SEMA3C: variants seen among roughly 807,000 people sequenced by gnomAD.
SEMA3C encodes the protein semaphorin-3C.
In SEMA3C, 47 loss-of-function variants were observed where a neutral mutation model predicts 89.4. That is an observed-to-expected ratio of 0.53 (90% CI 0.42 to 0.67). SEMA3C has a LOEUF of 0.67. Ranked by LOEUF, SEMA3C falls within the 30% of genes least tolerant of loss-of-function variation. The pLI is 0.00. For synonymous variants in SEMA3C, 310 were observed against 320.2 expected (o/e 0.97, Z 0.34); for missense variants, 839 against 929.1 (o/e 0.90, Z 1.26).
intron 11 of SEMA3C, among the ~76,000 whole-genome samples, chr7:80,795,486 G>A (rs1029068935): frequency 6.6e-6 from 1 of 152,110 alleles, no homozygotes; most frequent in Non-Finnish European, 1.5e-5. Context: ...CACGGAGTCT[G>A]TTGCAGATGT....
intron 5 of SEMA3C, among the ~76,000 whole-genome samples, chr7:80,816,934 C>T (rs1789621768): frequency 6.6e-6 from 1 of 152,142 alleles, no homozygotes; most frequent in African/African-American, 2.4e-5. Flanking sequence ...GAAATCTGTG[C>T]TCTGAAAATG....
intron 12 of SEMA3C, among the ~76,000 whole-genome samples, chr7:80,767,591 G>A (rs1159259881): frequency 6.6e-6 from 1 of 152,072 alleles, no homozygotes; most frequent in Non-Finnish European, 1.5e-5. Context: ...TACTTAAAAT[G>A]TTTTTATTAA....
chr7:80,825,605 G>A (rs1480509451), intron 4 of SEMA3C, among the ~76,000 whole-genome samples: 1 of 152,150 alleles, frequency 6.6e-6, no homozygotes, highest in Non-Finnish European at 1.5e-5. Flanking sequence ...AAACTCGGCA[G>A]CAATTTTTGG....
At chr7:80,888,579 A>G (rs951843623) in intron 2 of SEMA3C, among the ~76,000 whole-genome samples, 3 of 152,300 alleles carry the variant, frequency 2.0e-5, no homozygotes, top group Middle Eastern at 3.4e-3. Context: ...CATACATAAA[A>G]TATCTATCTA....
Position 80,752,867 on chromosome 7 carries a change from G to A in SEMA3C, c.1644-1531C>T, listed in dbSNP as rs577546532. Among the ~76,000 whole-genome samples, 452 of 152,184 alleles carry A rather than the reference G, an allele frequency of 3.0e-3. 2 individuals carry two copies. The highest frequency in any genetic ancestry group is 0.01 in the Middle Eastern group (3 of 294). Reference sequence around the variant, plus strand: ...AAATCGATTGCTTACTATCAACACCGAAAAGTATACTCGAGTGAGCATATC... The same window carrying A: ...AAATCGATTGCTTACTATCAACACCAAAAAGTATACTCGAGTGAGCATATC... On this transcript the variant is annotated intron_variant, in intron 15 of 17. Coordinates refer to ENST00000265361, the MANE Select transcript of SEMA3C (RefSeq NM_006379.5).
chr7:80,757,512 G>C (rs1788091612), intron 15 of SEMA3C, among the ~76,000 whole-genome samples: 1 of 152,106 alleles, frequency 6.6e-6, no homozygotes, highest in South Asian at 2.1e-4. Context: ...TGGTCATCAA[G>C]GTTTTGAAAG....
rs1420619518 is a variant in SEMA3C at position 80,818,359 on chromosome 7, G to A, written c.387C>T (p.Val129=). 6.2e-7 allele frequency: 1 copy of A among 1,613,586 alleles called. No individual in the cohort carries two copies. The change falls in exon 5 of 18, where the codon GTC becomes GTT. Residue 129 remains valine, a synonymous_variant. Coordinates refer to ENST00000265361, the MANE Select transcript of SEMA3C (RefSeq NM_006379.5). Reference sequence around the variant, plus strand: ...CAGGACTGAAAGCGCCACTCCCACAGACATACAAATGTGTGCGATTGAAAG... The same window carrying A: ...CAGGACTGAAAGCGCCACTCCCACAAACATACAAATGTGTGCGATTGAAAG... ...IQTFNRTHLY[V]CGSGAFSPVC...
intron 4 of SEMA3C, among the ~76,000 whole-genome samples, chr7:80,822,214 A>T (rs1789765323): frequency 6.6e-6 from 1 of 152,134 alleles, no homozygotes. Flanking sequence ...TGTGGTAGAT[A>T]CTGCAATAGG....
At chr7:80,751,383 A>C (rs1787931954) in intron 15 of SEMA3C, 47 bp from the exon 16 acceptor site, 10 of 1,489,858 alleles carry the variant, frequency 6.7e-6, no homozygotes, top group Non-Finnish European at 9.4e-6. Flanking sequence ...TATCACTGCC[A>C]ATTACACCAC....
At chr7:80,794,016 G>A (rs187794667) in intron 11 of SEMA3C, among the ~76,000 whole-genome samples, 11 of 152,070 alleles carry the variant, frequency 7.2e-5, no homozygotes, top group Non-Finnish European at 1.6e-4. Context: ...CCCTTTGTCT[G>A]AAGCCAAAAA....
At chr7:80,819,541 C>T (rs1017445535) in intron 4 of SEMA3C, among the ~76,000 whole-genome samples, 5 of 152,120 alleles carry the variant, frequency 3.3e-5, no homozygotes. Context: ...TAAGAATTGG[C>T]AAATAAAACT....
intron 2 of SEMA3C, among the ~76,000 whole-genome samples, chr7:80,845,918 C>G (rs570558267): frequency 1.3e-5 from 2 of 152,248 alleles, no homozygotes; most frequent in South Asian, 4.1e-4. Flanking sequence ...CATTTGAAAT[C>G]AATTCAATGA....
At chr7:80,852,448 G>A (rs1354222556) in intron 2 of SEMA3C, among the ~76,000 whole-genome samples, 1 of 152,110 alleles carries the variant, frequency 6.6e-6, no homozygotes, top group Non-Finnish European at 1.5e-5. Flanking sequence ...GATTTTTTGA[G>A]TAGTACCCCA....
intron 2 of SEMA3C, among the ~76,000 whole-genome samples, chr7:80,891,207 T>C (rs149572379): frequency 4.1e-4 from 63 of 152,278 alleles, no homozygotes; most frequent in African/African-American, 1.3e-3. Flanking sequence ...TTACTGATTG[T>C]CCATAAGTGA....
In SEMA3C at chr7:80,851,762, C is replaced by T. The variant is rs1039344223; in HGVS notation, c.104-23017G>A. 5.9e-5 allele frequency among the ~76,000 whole-genome samples: 9 copies of T among 151,476 alleles called. 1 individual carries two copies. The highest frequency in any genetic ancestry group is 2.2e-4 in the African/African-American group (9 of 41,190). On this transcript the variant is annotated intron_variant, in intron 2 of 17. Transcript: ENST00000265361. ...GATAGGCAGTCACAGCACAAAATGG[C>T]CACAAATGATGTCAAGTGATAAAGA... is the stretch of plus-strand genomic sequence containing the variant.
At chr7:80,850,866 C>T (rs572210650) in intron 2 of SEMA3C, among the ~76,000 whole-genome samples, 90 of 152,248 alleles carry the variant, frequency 5.9e-4, no homozygotes, top group African/African-American at 2.0e-3. Context: ...TTACTACAGG[C>T]GTGGTGACTT....
At chr7:80,797,913 G>A (rs977006263) in intron 11 of SEMA3C, among the ~76,000 whole-genome samples, 179 bp downstream of exon 11, 34 of 151,982 alleles carry the variant, frequency 2.2e-4, no homozygotes, top group Non-Finnish European at 4.4e-4. Flanking sequence ...CAGGAGAATC[G>A]CTTGAACCCG....
chr7:80,799,065 T>G (rs1789135199), intron 10 of SEMA3C, among the ~76,000 whole-genome samples: 1 of 152,210 alleles, frequency 6.6e-6, no homozygotes, highest in Non-Finnish European at 1.5e-5. Context: ...AAAAATCGTT[T>G]TATTGAAAAC....
intron 2 of SEMA3C, 32 bp from the exon 3 acceptor site, chr7:80,828,777 A>C (rs548963071): frequency 6.7e-7 from 1 of 1,500,072 alleles, no homozygotes; most frequent in Admixed American, 2.0e-5. Context: ...GTGTAGATAC[A>C]GTATCCTGGT....
Sources: allele counts gnomAD v4.1 joint callset (sites outside exome capture counted in the v4.1 genomes callset), GRCh38; gene constraint gnomAD v4.1.1; transcripts MANE v1.5; gene names NCBI Gene and HGNC (gene_info 2026-07-23, HGNC 2026-07-21).